Variants in PDE10A observed in about 807,000 individuals in gnomAD.
PDE10A encodes the protein cAMP and cAMP-inhibited cGMP 3',5'-cyclic phosphodiesterase 10A.
A neutral mutation model predicts 97.7 loss-of-function variants in PDE10A; 39 were observed. The ratio of observed to expected loss-of-function variants is 0.40; its 90% CI spans 0.31 to 0.52. The LOEUF is 0.52. Ranked by LOEUF, PDE10A falls within the 20% of genes least tolerant of loss-of-function variation. PDE10A has a pLI of 0.56. For missense variants in PDE10A, 731 were observed against 1,047.8 expected, an observed-to-expected ratio of 0.70 and a Z score of 4.17; for synonymous variants, 371 against 376.8, an observed-to-expected ratio of 0.98 and a Z score of 0.18.
chr6:165,859,171 C>T (rs1398480862), intron 1 of PDE10A, among the ~76,000 whole-genome samples: 2 of 152,170 alleles, frequency 1.3e-5, no homozygotes, highest in African/African-American at 2.4e-5. Flanking sequence ...TATTTTCCAT[C>T]CAGTGCTGAT....
chr6:165,846,663 T>G (rs1276791224), intron 1 of PDE10A, among the ~76,000 whole-genome samples: 1 of 152,232 alleles, frequency 6.6e-6, no homozygotes, highest in African/African-American at 2.4e-5. Flanking sequence ...AAAGGAGAGC[T>G]GTTTCTCCTT....
At chr6:165,545,972 T>C (rs1462726990) in intron 1 of PDE10A, among the ~76,000 whole-genome samples, 1 of 152,068 alleles carries the variant, frequency 6.6e-6, no homozygotes, top group East Asian at 1.9e-4. Context: ...TGAGTGTTTT[T>C]GGCAGCTTTA....
chr6:165,588,281 C>CTTTTTTTT (rs1216263426), intron 1 of PDE10A, among the ~76,000 whole-genome samples: 16 of 37,062 alleles, frequency 4.3e-4, no homozygotes, highest in East Asian at 1.2e-3. Context: ...ATTTTTTTTT[C>CTTTTTTTT]TTTTTTTTTT....
intron 16 of PDE10A, among the ~76,000 whole-genome samples, chr6:165,389,280 A>C (rs1054195247): frequency 6.6e-6 from 1 of 152,210 alleles, no homozygotes; most frequent in Non-Finnish European, 1.5e-5. Flanking sequence ...TATTCTGGCA[A>C]CTGTGTGGAA....
At chr6:165,643,310 T>A (rs531301311) in intron 1 of PDE10A, among the ~76,000 whole-genome samples, 166 of 151,620 alleles carry the variant, frequency 1.1e-3, no homozygotes, top group Non-Finnish European at 2.1e-3. Context: ...TGTACAGATG[T>A]ATGGACAGAT....
intron 18 of PDE10A, among the ~76,000 whole-genome samples, chr6:165,348,306 G>C (rs1345040127): frequency 1.2e-4 from 18 of 152,128 alleles, no homozygotes; most frequent in Admixed American, 1.2e-3. Context: ...TTCCATATTT[G>C]TCATCTTAAT....
chr6:165,523,394 AC>A (rs1265857389), intron 2 of PDE10A, among the ~76,000 whole-genome samples: 2 of 152,148 alleles, frequency 1.3e-5, no homozygotes, highest in Admixed American at 6.6e-5. Context: ...AGTAACCCAA[AC>A]AGCACAGTAC....
intron 2 of PDE10A, among the ~76,000 whole-genome samples, chr6:165,497,783 A>G (rs1780625081): frequency 6.6e-6 from 1 of 152,158 alleles, no homozygotes; most frequent in South Asian, 2.1e-4. Flanking sequence ...ATTTTTTGTT[A>G]TATTTATCTG....
chr6:165,724,846 C>T (rs1275326734), intron 1 of PDE10A, among the ~76,000 whole-genome samples: 4 of 152,210 alleles, frequency 2.6e-5, no homozygotes, highest in Non-Finnish European at 5.9e-5. Context: ...GCTTCCAGTG[C>T]ATCTTCCTCA....
chr6:165,463,595 C>T (rs563017210), intron 3 of PDE10A, among the ~76,000 whole-genome samples: 66 of 152,270 alleles, frequency 4.3e-4, no homozygotes, highest in African/African-American at 1.4e-3. Context: ...CTGACTCCTG[C>T]GAGAAGTAGC....
intron 2 of PDE10A, among the ~76,000 whole-genome samples, chr6:165,529,766 G>A (rs552584660): frequency 3.9e-5 from 6 of 152,286 alleles, no homozygotes; most frequent in East Asian, 3.9e-4. Context: ...CCTGTTGTAC[G>A]AAGGATAGCT....
intron 1 of PDE10A, among the ~76,000 whole-genome samples, chr6:165,825,431 C>G (rs1779711870): frequency 6.6e-6 from 1 of 152,136 alleles, no homozygotes. Flanking sequence ...CTGTGTGGTC[C>G]CCAAACTCCA....
At chr6:165,482,921 CT>C (rs1352803926) in intron 2 of PDE10A, among the ~76,000 whole-genome samples, 2 of 152,160 alleles carry the variant, frequency 1.3e-5, no homozygotes, top group African/African-American at 4.8e-5. Flanking sequence ...TAAAGTGAGA[CT>C]GGGGTGGTTT....
At chr6:165,909,642 C>T (rs753847270) in intron 1 of PDE10A, among the ~76,000 whole-genome samples, 3 of 152,156 alleles carry the variant, frequency 2.0e-5, no homozygotes, top group Non-Finnish European at 4.4e-5. Context: ...TGCTCCTCCC[C>T]GGGTGGTGCC....
At chr6:165,682,660 C>T (rs1387849548) in intron 1 of PDE10A, among the ~76,000 whole-genome samples, 1 of 151,766 alleles carries the variant, frequency 6.6e-6, no homozygotes, top group African/African-American at 2.4e-5. Context: ...ATCTGCCAGC[C>T]CCTTGATCTC....
At chr6:165,594,324 G>C (rs1786455333) in intron 1 of PDE10A, among the ~76,000 whole-genome samples, 1 of 151,968 alleles carries the variant, frequency 6.6e-6, no homozygotes, top group South Asian at 2.1e-4. Context: ...ATGAAATATA[G>C]TAAGAAAATG....
At chr6:165,710,278 C>T (rs933689348) in intron 1 of PDE10A, among the ~76,000 whole-genome samples, 4 of 152,136 alleles carry the variant, frequency 2.6e-5, no homozygotes, top group African/African-American at 9.7e-5. Flanking sequence ...TATCTTGGTC[C>T]TAATTGCATT....
chr6:165,749,291 CAT>C, intron 1 of PDE10A, among the ~76,000 whole-genome samples: 1 of 19,412 alleles, frequency 5.2e-5, no homozygotes, highest in South Asian at 1.2e-3. Context: ...CCATCATCAC[CAT>C]CACCATCATC....
intron 1 of PDE10A, among the ~76,000 whole-genome samples, chr6:165,894,953 G>A (rs907082103): frequency 6.6e-6 from 1 of 152,038 alleles, no homozygotes; most frequent in African/African-American, 2.4e-5. Context: ...AGTAGGTTTG[G>A]GTAGAATCTG....
Sources: allele counts gnomAD v4.1 joint callset (sites outside exome capture counted in the v4.1 genomes callset), GRCh38; gene constraint gnomAD v4.1.1; transcripts MANE v1.5; gene names NCBI Gene and HGNC (gene_info 2026-07-23, HGNC 2026-07-21).